Variants in WNT3 observed in about 807,000 individuals in gnomAD.
WNT3 encodes the protein proto-oncogene Wnt-3.
A neutral mutation model predicts 34.2 loss-of-function variants in WNT3; 7 were observed. The observed-to-expected ratio is 0.20, with a 90% CI of 0.12 to 0.38. WNT3 has a LOEUF of 0.38. Among genes scored for constraint, WNT3 ranks in the 10% least tolerant of loss-of-function variants. The probability of loss-of-function intolerance (pLI) is 1.00; values close to 1 mark genes in which losing one functional copy is unlikely to be tolerated. For missense variants in WNT3, 267 were observed against 499.8 expected (o/e 0.53, Z 4.44); for synonymous variants, 212 against 211.5 (o/e 1.00, Z -0.02).
chr17:46,775,960 G>A (rs903259823), intron 1 of WNT3, among the ~76,000 whole-genome samples: 9 of 152,150 alleles, frequency 5.9e-5, no homozygotes, highest in African/African-American at 1.4e-4. Flanking sequence ...TGATTTCCCC[G>A]GTGCCTGGCC....
intron 1 of WNT3, among the ~76,000 whole-genome samples, chr17:46,816,131 TCACA>T (rs978122393): frequency 5.3e-5 from 1 of 19,016 alleles, no homozygotes; most frequent in Non-Finnish European, 1.1e-4. Flanking sequence ...ACACACACAC[TCACA>T]CACACGCACG....
intron 1 of WNT3, among the ~76,000 whole-genome samples, chr17:46,797,494 G>T (rs920947396): frequency 4.6e-5 from 7 of 152,258 alleles, no homozygotes; most frequent in African/African-American, 1.7e-4. Flanking sequence ...GAGTGGGCTT[G>T]CCTCGGGCGG....
intron 1 of WNT3, among the ~76,000 whole-genome samples, chr17:46,790,833 C>T (rs1389223454): frequency 6.6e-6 from 1 of 152,192 alleles, no homozygotes; most frequent in African/African-American, 2.4e-5. Context: ...CTACTGCGCT[C>T]GCGTTTTATG....
intron 2 of WNT3, among the ~76,000 whole-genome samples, chr17:46,771,767 C>A (rs1465397084): frequency 7.0e-6 from 1 of 142,700 alleles, no homozygotes; most frequent in Admixed American, 6.9e-5. Flanking sequence ...GCCCCCGCGC[C>A]GCGCCGCGCC....
intron 1 of WNT3, among the ~76,000 whole-genome samples, chr17:46,800,510 G>T (rs566071449): frequency 8.7e-4 from 104 of 119,318 alleles, no homozygotes; most frequent in African/African-American, 2.8e-3. Flanking sequence ...CTGCCCTCAG[G>T]GGCTGACTCT....
In WNT3 at chr17:46,763,174, G is replaced by C. The variant is rs2059282552; in HGVS notation, c.*1456C>G. 1 of 152,072 alleles carries C rather than the reference G, an allele frequency of 6.6e-6. No homozygotes were observed. The highest frequency in any genetic ancestry group is 2.4e-5 in the African/African-American group (1 of 41,406). The allele number at this position is 152,072 out of a possible 1,614,324, so 9.4% of individuals were successfully genotyped here. A position where few individuals can be genotyped will look rare whatever the true frequency, so the allele number is the denominator to read the frequency against. ...GGTTAGGTAGACCCCAGAGAGAAGG[G>C]GGAGAAAGAAAAATCTTTGTTCTGC... On this transcript the variant is annotated 3_prime_UTR_variant, in exon 5 of 5. Coordinates refer to ENST00000225512, the MANE Select transcript of WNT3 (RefSeq NM_030753.5).
chr17:46,767,769 TTTTG>T (rs987973625), intron 4 of WNT3, among the ~76,000 whole-genome samples: 1 of 151,574 alleles, frequency 6.6e-6, no homozygotes, highest in South Asian at 2.1e-4. Flanking sequence ...ACACACTGAA[TTTTG>T]TTTTTTTTTG....
intron 1 of WNT3, among the ~76,000 whole-genome samples, chr17:46,817,606 C>T (rs2084369628): frequency 6.6e-6 from 1 of 152,060 alleles, no homozygotes; most frequent in African/African-American, 2.4e-5. Flanking sequence ...ATGTTTATTC[C>T]TCACCCAGGC....
chr17:46,798,511 A>ACCATTGG (rs1251184865), intron 1 of WNT3, among the ~76,000 whole-genome samples: 2 of 152,164 alleles, frequency 1.3e-5, no homozygotes, highest in African/African-American at 4.8e-5. Context: ...TGCCAGCCAT[A>ACCATTGG]CCATTGGCAC....
chr17:46,803,383 A>G (rs1280129425), intron 1 of WNT3, among the ~76,000 whole-genome samples: 1 of 152,078 alleles, frequency 6.6e-6, no homozygotes, highest in Non-Finnish European at 1.5e-5. Context: ...AAAATACAAA[A>G]CTTAGCCAGG....
At position 46,769,775 on chromosome 17, in the gene WNT3, G is replaced by A. The variant is rs758566912; in HGVS notation, c.588+8C>T. The stretch of plus-strand genomic sequence containing the variant: ...CCTGAAGGGTTTGGGGAGGGTAGCC[G>A]GGCTCACCGTGCGGCCCGCCTCGTT... On this transcript the variant is annotated splice_region_variant and intron_variant, in intron 3 of 4. Transcript: ENST00000225512. 2.5e-6 allele frequency: 4 copies of A among 1,609,626 alleles called. No homozygotes were observed. Among genetic ancestry groups the A allele is most frequent in the Non-Finnish European group, 3.4e-6 (4 of 1,179,834 alleles).
chr17:46,814,496 G>A (rs1051845914), intron 1 of WNT3, among the ~76,000 whole-genome samples: 8 of 152,100 alleles, frequency 5.3e-5, no homozygotes, highest in South Asian at 4.1e-4. Flanking sequence ...TAATTTCCCC[G>A]CCATATCCCC....
At chr17:46,791,666 T>C (rs2083988733) in intron 1 of WNT3, among the ~76,000 whole-genome samples, 1 of 152,224 alleles carries the variant, frequency 6.6e-6, no homozygotes, top group South Asian at 2.1e-4. Context: ...TTTCTGTAAT[T>C]TCTGTCTGCA....
chr17:46,811,538 TCCAGCCCC>T (rs1423305834), intron 1 of WNT3, among the ~76,000 whole-genome samples: 1 of 152,094 alleles, frequency 6.6e-6, no homozygotes, highest in Non-Finnish European at 1.5e-5. Context: ...GGACCTTCTC[TCCAGCCCC>T]CATGGCCCAC....
intron 1 of WNT3, among the ~76,000 whole-genome samples, chr17:46,795,277 C>T (rs767693178): frequency 1.3e-5 from 2 of 152,150 alleles, no homozygotes; most frequent in African/African-American, 2.4e-5. Context: ...CCTCTACCGG[C>T]GCCCCATGTC....
At chr17:46,774,671 C>G (rs1171083643) in intron 1 of WNT3, among the ~76,000 whole-genome samples, 4 of 152,340 alleles carry the variant, frequency 2.6e-5, no homozygotes, top group South Asian at 2.1e-4. Flanking sequence ...TCCTCTGCCC[C>G]TCGCTTTGTA....
chr17:46,784,913 C>T lies in WNT3; in HGVS notation c.81-11004G>A, dbSNP rs1171031775. On this transcript the variant is annotated intron_variant, in intron 1 of 4. Transcript: ENST00000225512. ...GCCTCAGCCTCCCGAGTAGCTGGGACTACAGGCACCCGCCACCATGCCCGG... is the reference window on the plus strand; with the variant it reads ...GCCTCAGCCTCCCGAGTAGCTGGGATTACAGGCACCCGCCACCATGCCCGG... Among the ~76,000 whole-genome samples, 6 of 152,016 alleles carry T rather than the reference C, an allele frequency of 3.9e-5. No individual in the cohort carries two copies. In the South Asian group the frequency reaches 1.0e-3, roughly 26 times the overall value.
At chr17:46,787,896 C>T (rs1315306574) in intron 1 of WNT3, among the ~76,000 whole-genome samples, 2 of 150,090 alleles carry the variant, frequency 1.3e-5, no homozygotes, top group African/African-American at 4.9e-5. Context: ...GCAGAGGTTT[C>T]AGTGAGCCGA....
chr17:46,777,495 G>C (rs564894184), intron 1 of WNT3, among the ~76,000 whole-genome samples: 1 of 152,376 alleles, frequency 6.6e-6, no homozygotes, highest in East Asian at 1.9e-4. Context: ...TCAAAGGTCG[G>C]AGTGCTTCCC....
Sources: allele counts gnomAD v4.1 joint callset (sites outside exome capture counted in the v4.1 genomes callset), GRCh38; gene constraint gnomAD v4.1.1; transcripts MANE v1.5; gene names NCBI Gene and HGNC (gene_info 2026-07-23, HGNC 2026-07-21).